Variants in ZNF341 observed in about 807,000 individuals in gnomAD.
ZNF341 encodes zinc finger protein 341.
Under a neutral mutation model 87.7 loss-of-function variants are expected in ZNF341, and 52 were observed. The observed-to-expected ratio is 0.59, with a 90% CI of 0.47 to 0.75. ZNF341 has a LOEUF of 0.75. Ranked by LOEUF, ZNF341 falls within the 30% of genes least tolerant of loss-of-function variation. The pLI, the probability that ZNF341 is intolerant of heterozygous loss-of-function variation, is 0.00. For synonymous variants in ZNF341, 459 were observed against 472.7 expected (o/e 0.97, Z 0.38); for missense variants, 977 against 1,145.9 (o/e 0.85, Z 2.13).
intron 6 of ZNF341, among the ~76,000 whole-genome samples, chr20:33,757,878 A>G (rs899807862): frequency 8.5e-5 from 13 of 152,140 alleles, no homozygotes; most frequent in Non-Finnish European, 1.0e-4. Flanking sequence ...AGGAGTGAAG[A>G]AGGAGAGAGT....
rs771367918 is a variant in ZNF341, at chr20:33,761,987, C to G, written c.1154C>G (p.Ser385Cys). The G allele has an allele frequency of 6.2e-7, 1 of 1,606,400 alleles. No homozygotes were observed. Among genetic ancestry groups the G allele is most frequent in the East Asian group, 2.2e-5 (1 of 44,710 alleles). ...CCAGGACACAGTGGTGGCACCGTGT[C>G]TCGAAACTCTGTGACCGTACAGGTC... ...WPPGHSGGTV[S>C]RNSVTVQVMA... Residue 385 changes from serine to cysteine, a missense_variant, in exon 8 of 15, where the codon TCT becomes TGT. By Grantham distance (112) the Ser-to-Cys change is moderately radical. This residue lies in a region of ZNF341 where 515 missense variants were observed against 598.2 expected (regional missense o/e 0.86). Coordinates refer to ENST00000375200, the MANE Select transcript of ZNF341 (RefSeq NM_001282933.2).
In ZNF341 at chr20:33,781,291, G is replaced by A. The variant is rs771604986; in HGVS notation, c.1623G>A (p.Lys541=). 3.1e-6 allele frequency: 5 copies of A among 1,613,612 alleles called. No homozygotes were observed. Among genetic ancestry groups the A allele is most frequent in the Admixed American group, 3.3e-5 (2 of 59,996 alleles). Residue 541 remains lysine, a splice_region_variant and synonymous_variant, in exon 11 of 15, where the codon AAG becomes AAA. Coordinates refer to ENST00000375200, the MANE Select transcript of ZNF341 (RefSeq NM_001282933.2). ...HSPKKDNAVY[K]CVKCVNKYST... The stretch of plus-strand genomic sequence containing the variant: ...CATCTCTCCTGCTCCTTCCACTTAG[G>A]TGTGTCAAATGTGTCAACAAATACT...
At chr20:33,775,029 T>A (rs536396827) in intron 10 of ZNF341, among the ~76,000 whole-genome samples, 1 of 152,306 alleles carries the variant, frequency 6.6e-6, no homozygotes, top group South Asian at 2.1e-4. Flanking sequence ...AAACAGCTAC[T>A]TTGTATTCCA....
intron 7 of ZNF341, among the ~76,000 whole-genome samples, chr20:33,760,163 G>GT (rs2019262573): frequency 6.6e-6 from 1 of 152,214 alleles, no homozygotes; most frequent in African/African-American, 2.4e-5. Context: ...AGCACTTTGG[G>GT]AGGCTGAGGT....
At chr20:33,733,130 TC>T (rs1202945756) in intron 1 of ZNF341, among the ~76,000 whole-genome samples, 5 of 151,000 alleles carry the variant, frequency 3.3e-5, no homozygotes, top group African/African-American at 9.8e-5. Flanking sequence ...CACTGCAACC[TC>T]CCCCTCCCAG....
chr20:33,791,256 T>C lies in ZNF341; in HGVS notation c.2304T>C (p.Pro768=). The C allele has an allele frequency of 1.2e-6, 2 of 1,611,920 alleles. No individual in the cohort carries two copies. Among genetic ancestry groups the C allele is most frequent in the Non-Finnish European group, 1.7e-6 (2 of 1,179,546 alleles). The stretch of plus-strand genomic sequence containing the variant: ...GGCGCAAGGTGCTGACCCCCTTGCC[T>C]GACCCGCTGGGGCTGGAGGAGCTGA... ...SGGRKVLTPL[P]DPLGLEELKD... The change falls in exon 15 of 15, where the codon CCT becomes CCC. Residue 768 remains proline, a synonymous_variant. Transcript: ENST00000375200.
intron 3 of ZNF341, among the ~76,000 whole-genome samples, chr20:33,747,876 A>G (rs2018966749): frequency 1.3e-5 from 2 of 150,250 alleles, no homozygotes; most frequent in Admixed American, 6.6e-5. Flanking sequence ...TTGTATTTTT[A>G]TTGGAGATGG....
At chr20:33,742,289 C>T (rs1049399848) in intron 2 of ZNF341, among the ~76,000 whole-genome samples, 2 of 152,062 alleles carry the variant, frequency 1.3e-5, no homozygotes, top group Admixed American at 6.6e-5. Flanking sequence ...CTCCGCCTCC[C>T]GGGTTCAAGC....
chr20:33,791,566 G>A lies in ZNF341; in HGVS notation c.*49G>A. On this transcript the variant is annotated 3_prime_UTR_variant, in exon 15 of 15. Coordinates refer to ENST00000375200, the MANE Select transcript of ZNF341 (RefSeq NM_001282933.2). ...GGGCAGGCCTGATGCTCCTGTTTGG[G>A]TCCAGGGCCCCTGGGGGCAGACCGG... The A allele has an allele frequency of 2.0e-6, 3 of 1,488,048 alleles. No homozygotes were observed. Among genetic ancestry groups the A allele is most frequent in the Non-Finnish European group, 2.7e-6 (3 of 1,123,746 alleles). 92.2% of individuals were successfully genotyped at this position (1,488,048 alleles called of 1,614,324 possible). A position where few individuals can be genotyped will look rare whatever the true frequency, so the allele number is the denominator to read the frequency against.
chr20:33,750,414 G>A (rs1014945078), intron 4 of ZNF341, among the ~76,000 whole-genome samples: 3 of 151,728 alleles, frequency 2.0e-5, no homozygotes, highest in Non-Finnish European at 4.4e-5. Context: ...GGAACCCAAC[G>A]AACACAGTGA....
At chr20:33,753,140 A>C (rs375777460) in intron 4 of ZNF341, 32 bp from the exon 5 acceptor site, 11 of 1,611,398 alleles carry the variant, frequency 6.8e-6, no homozygotes, top group African/African-American at 4.0e-5. Context: ...TGGTATCAAG[A>C]GGCTATAACA....
intron 8 of ZNF341, among the ~76,000 whole-genome samples, chr20:33,765,971 C>T (rs1427212294): frequency 6.6e-6 from 1 of 152,208 alleles, no homozygotes; most frequent in African/African-American, 2.4e-5. Flanking sequence ...CGACCTCCAC[C>T]TTCCGGGTTC....
At chr20:33,756,557 G>A (rs1196910667) in intron 5 of ZNF341, among the ~76,000 whole-genome samples, 2 of 151,934 alleles carry the variant, frequency 1.3e-5, no homozygotes, top group African/African-American at 4.8e-5. Flanking sequence ...TAGTAGAGAT[G>A]GGGTTTCACC....
chr20:33,779,525 A>G (rs2019697915), intron 10 of ZNF341, among the ~76,000 whole-genome samples: 1 of 144,998 alleles, frequency 6.9e-6, no homozygotes, highest in Admixed American at 7.4e-5. Flanking sequence ...ATCTCAGCTC[A>G]CTGCATCCTG....
Position 33,766,959 on chromosome 20 carries a change from C to T in ZNF341, c.1331C>T (p.Ser444Phe). Residue 444 changes from serine (S) to phenylalanine (F), a missense_variant, in exon 9 of 15, where the codon TCC (serine) becomes TTC (phenylalanine). This residue lies in a region of ZNF341 where 515 missense variants were observed against 598.2 expected (regional missense o/e 0.86). Coordinates refer to ENST00000375200, the MANE Select transcript of ZNF341 (RefSeq NM_001282933.2). ...ESKQVVLIDS[S>F]YLCQFCPSKF... ...AAGCAGGTGGTCCTCATCGACAGCT[C>T]CTACCTGTGCCAATTCTGCCCCAGC... 2 of 1,614,200 alleles carry T rather than the reference C, an allele frequency of 1.2e-6. No individual in the cohort carries two copies. Among genetic ancestry groups the T allele is most frequent in the Non-Finnish European group, 1.7e-6 (2 of 1,180,036 alleles).
At chr20:33,754,423 A>C (rs1211707281) in intron 5 of ZNF341, among the ~76,000 whole-genome samples, 2 of 152,096 alleles carry the variant, frequency 1.3e-5, no homozygotes, top group East Asian at 3.9e-4. Context: ...CTCACCATAG[A>C]ATCCAGCCAC....
chr20:33,757,405 G>C, intron 6 of ZNF341, 62 bp downstream of exon 6: 1 of 1,347,880 alleles, frequency 7.4e-7, no homozygotes, highest in Non-Finnish European at 9.7e-7. Context: ...AAGCTACTTG[G>C]TTCTGGTCTT....
rs1289069228 is a variant in ZNF341, at chr20:33,732,214, G to A, written c.31+162G>A. ...AGGGGCGCGGGCGGGAACAGCGCGGGAGCCGAGGCCCGGCGGGGGAGCTCC... is the reference window on the plus strand; with the variant it reads ...AGGGGCGCGGGCGGGAACAGCGCGGAAGCCGAGGCCCGGCGGGGGAGCTCC... On this transcript the variant is annotated intron_variant, in intron 1 of 14. Transcript: ENST00000375200. The surrounding 1 kb of genome is among the most constrained non-coding windows in gnomAD (Gnocchi z 4.5). 1.3e-5 allele frequency among the ~76,000 whole-genome samples: 2 copies of A among 149,696 alleles called. No homozygotes were observed. The highest frequency in any genetic ancestry group is 3.0e-5 in the Non-Finnish European group (2 of 67,150).
chr20:33,777,892 A>G (rs1463825651), intron 10 of ZNF341, among the ~76,000 whole-genome samples: 1 of 152,152 alleles, frequency 6.6e-6, no homozygotes, highest in Non-Finnish European at 1.5e-5. Context: ...TCTGAAGAGT[A>G]TAGACAGGTT....
Sources: allele counts gnomAD v4.1 joint callset (sites outside exome capture counted in the v4.1 genomes callset), GRCh38; gene constraint gnomAD v4.1.1; regional missense constraint gnomAD v4.1.1; non-coding constraint Gnocchi (gnomAD v3.1); transcripts MANE v1.5; gene names NCBI Gene and HGNC (gene_info 2026-07-23, HGNC 2026-07-21).